ANHX: variants seen among roughly 807,000 people sequenced by gnomAD.
ANHX encodes anomalous homeobox protein.
ANHX carries 20 observed loss-of-function variants against 38.9 expected under a neutral mutation model. The ratio of observed to expected loss-of-function variants is 0.51; its 90% CI spans 0.36 to 0.75. The LOEUF (loss-of-function observed/expected upper bound fraction) is 0.75, where lower values mean the gene tolerates loss of function less well. ANHX is among the 30% of genes least tolerant of loss of function. The pLI, the probability that ANHX is intolerant of heterozygous loss-of-function variation, is 0.00. For missense variants in ANHX, 475 were observed against 493.1 expected (o/e 0.96, Z 0.35); for synonymous variants, 185 against 203.1 (o/e 0.91, Z 0.76).
At chr12:133,230,214 A>AGGCAG (rs1244048946) in intron 3 of ANHX, among the ~76,000 whole-genome samples, 1 of 152,232 alleles carries the variant, frequency 6.6e-6, no homozygotes, top group Non-Finnish European at 1.5e-5. Context: ...AGAACCCAGC[A>AGGCAG]GGCAGGGGGT....
chr12:133,230,080 T>C lies in ANHX; in HGVS notation c.377+1437A>G, dbSNP rs561239043. 7.9e-5 allele frequency among the ~76,000 whole-genome samples: 12 copies of C among 152,354 alleles called. No individual in the cohort carries two copies. In the South Asian group the frequency reaches 1.4e-3, roughly 18 times the overall value. The stretch of plus-strand genomic sequence containing the variant: ...ACAGCCCTCTTCTGGACATATTCTC[T>C]GCATAGCACTTCTCACTCTCTGAAT... On this transcript the variant is annotated intron_variant, in intron 3 of 9. Coordinates refer to ENST00000545940, the MANE Select transcript of ANHX (RefSeq NM_001372060.1).
intron 7 of ANHX, among the ~76,000 whole-genome samples, chr12:133,223,668 G>A (rs1957145543): frequency 6.6e-6 from 1 of 151,936 alleles, no homozygotes; most frequent in Non-Finnish European, 1.5e-5. Flanking sequence ...GGATGGTCTT[G>A]ATCTCTTGAC....
chr12:133,231,745 A>G, intron 2 of ANHX, 101 bp from the exon 3 acceptor site: 1 of 1,393,258 alleles, frequency 7.2e-7, no homozygotes, highest in African/African-American at 1.4e-5. Context: ...TGGGGAAGGC[A>G]GTGATGGGAA....
intron 7 of ANHX, among the ~76,000 whole-genome samples, chr12:133,223,262 G>A (rs1315686530): frequency 6.6e-6 from 1 of 151,162 alleles, no homozygotes; most frequent in African/African-American, 2.4e-5. Context: ...TACCCAAAAC[G>A]CACATCAATA....
In ANHX at chr12:133,234,040, G is replaced by C. The variant is rs556624171; in HGVS notation, c.249+68C>G. ...TCCTGGGTACTGCTGCAGTGCCGGA[G>C]ATGGGTGGAGGCTGCCTAAAGAAGT... On this transcript the variant is annotated intron_variant, in intron 2 of 9. Coordinates refer to ENST00000545940, the MANE Select transcript of ANHX (RefSeq NM_001372060.1). The C allele has an allele frequency of 2.2e-4, 332 of 1,497,832 alleles. 1 individual carries two copies. The highest frequency in any genetic ancestry group is 2.8e-4 in the Non-Finnish European group (313 of 1,125,498). The allele number at this position is 1,497,832 out of a possible 1,614,324, so 92.8% of individuals were successfully genotyped here. A position where few individuals can be genotyped will look rare whatever the true frequency, so the allele number is the denominator to read the frequency against.
intron 8 of ANHX, among the ~76,000 whole-genome samples, chr12:133,220,706 G>GCC: frequency 6.6e-6 from 1 of 152,130 alleles, no homozygotes; most frequent in South Asian, 2.1e-4. Flanking sequence ...AGGCCACCCT[G>GCC]CCCCAGTCCT....
chr12:133,223,821 C>T (rs1030790258), intron 7 of ANHX, among the ~76,000 whole-genome samples: 30 of 151,372 alleles, frequency 2.0e-4, no homozygotes, highest in Non-Finnish European at 2.5e-4. Flanking sequence ...GGACCCTCAG[C>T]GTGAAATTTC....
At chr12:133,228,801 G>C (rs1003480239) in intron 3 of ANHX, among the ~76,000 whole-genome samples, 5 of 152,184 alleles carry the variant, frequency 3.3e-5, no homozygotes, top group African/African-American at 1.2e-4. Context: ...CTCATGAGCT[G>C]CTAAGCTCTG....
At chr12:133,227,201 CA>C (rs1295147923) in intron 4 of ANHX, 49 bp from the exon 5 acceptor site, 1 of 1,501,582 alleles carries the variant, frequency 6.7e-7, no homozygotes, top group Admixed American at 2.0e-5. Context: ...TCCCTGAGGA[CA>C]GGGGGTGTGC....
chr12:133,224,834 G>T (rs547651599), intron 7 of ANHX, among the ~76,000 whole-genome samples: 1 of 151,040 alleles, frequency 6.6e-6, no homozygotes, highest in Non-Finnish European at 1.5e-5. Flanking sequence ...AGGCGTGGTG[G>T]CGGGCGCCTG....
chr12:133,227,767 G>A (rs1187195795), intron 4 of ANHX, 57 bp downstream of exon 4: 7 of 1,526,788 alleles, frequency 4.6e-6, no homozygotes, highest in Non-Finnish European at 5.3e-6. Context: ...TACCCCTTGG[G>A]GGACAGGGAG....
At chr12:133,229,578 G>C (rs1168355023) in intron 3 of ANHX, among the ~76,000 whole-genome samples, 1 of 152,048 alleles carries the variant, frequency 6.6e-6, no homozygotes, top group East Asian at 1.9e-4. Flanking sequence ...TCCTGTGTCA[G>C]GGTACTGACA....
At chr12:133,219,003 C>G (rs745735808) in intron 9 of ANHX, 32 bp from the exon 10 acceptor site, 185 of 1,509,102 alleles carry the variant, frequency 1.2e-4, no homozygotes, top group Non-Finnish European at 1.6e-4. Flanking sequence ...AACACAGAGG[C>G]TTCCTTTCCA....
intron 3 of ANHX, among the ~76,000 whole-genome samples, chr12:133,230,802 AGCGTCCT>A (rs1957261353): frequency 6.6e-6 from 1 of 152,028 alleles, no homozygotes; most frequent in Non-Finnish European, 1.5e-5. Context: ...TGTCTGGGCT[AGCGTCCT>A]GGCTTTGCAA....
At chr12:133,220,932 T>C (rs773169360) in intron 8 of ANHX, among the ~76,000 whole-genome samples, 3 of 152,240 alleles carry the variant, frequency 2.0e-5, no homozygotes, top group Non-Finnish European at 2.9e-5. Context: ...GAAAGGCTGC[T>C]GGGGTCCAGG....
chr12:133,224,334 G>A (rs140468972), intron 7 of ANHX, among the ~76,000 whole-genome samples: 2 of 152,162 alleles, frequency 1.3e-5, no homozygotes, highest in African/African-American at 2.4e-5. Context: ...AAAAGCTGAA[G>A]AGAAAAGATG....
intron 2 of ANHX, 82 bp from the exon 3 acceptor site, chr12:133,231,726 A>G: frequency 6.7e-7 from 1 of 1,494,666 alleles, no homozygotes; most frequent in South Asian, 1.2e-5. Context: ...TCCCAAACCG[A>G]CTCAGCCTTG....
At position 133,227,931 on chromosome 12, in the gene ANHX, A is replaced by AGGGGGGG; in HGVS notation, c.393_394insCCCCCCC (p.Ser132ProfsTer20). The AGGGGGGG allele has an allele frequency of 2.3e-6, 1 of 429,604 alleles. No homozygotes were observed. Among genetic ancestry groups the AGGGGGGG allele is most frequent in the South Asian group, 1.9e-5 (1 of 51,348 alleles). 26.6% of individuals were successfully genotyped at this position (429,604 alleles called of 1,614,324 possible). On this transcript the variant is annotated frameshift_variant, in exon 4 of 10. Coordinates refer to ENST00000545940, the MANE Select transcript of ANHX (RefSeq NM_001372060.1). LOFTEE classifies it high-confidence loss of function. Reference sequence around the variant, plus strand: ...CTCTTCAGCCCCTCTGGGCAGAGGGAGGGGGGCGGGGGGTTCCTGGGTAAG... The same window carrying AGGGGGGG: ...CTCTTCAGCCCCTCTGGGCAGAGGGAGGGGGGGGGGGGGCGGGGGGTTCCTGGGTAAG...
intron 6 of ANHX, among the ~76,000 whole-genome samples, 152 bp from the exon 7 acceptor site, chr12:133,225,980 A>G (rs1291725162): frequency 6.8e-6 from 1 of 146,778 alleles, no homozygotes; most frequent in African/African-American, 2.4e-5. Context: ...CAAAACAGAC[A>G]AAGTACTAGA....
Sources: allele counts gnomAD v4.1 joint callset (sites outside exome capture counted in the v4.1 genomes callset), GRCh38; gene constraint gnomAD v4.1.1; transcripts MANE v1.5; gene names NCBI Gene and HGNC (gene_info 2026-07-23, HGNC 2026-07-21).